Variants in RAP1GDS1 observed in about 807,000 individuals in gnomAD.
The protein encoded by RAP1GDS1 is RAP1, GTP-GDP dissociation stimulator 1.
RAP1GDS1 carries 35 observed loss-of-function variants against 71.1 expected under a neutral mutation model. The ratio of observed to expected loss-of-function variants is 0.49; its 90% confidence interval spans 0.38 to 0.65. The LOEUF is 0.65. Among genes scored for constraint, RAP1GDS1 ranks in the 30% least tolerant of loss-of-function variants. RAP1GDS1 has a pLI of 0.00. For synonymous variants in RAP1GDS1, 229 were observed against 243.1 expected (o/e 0.94, Z 0.54); for missense variants, 663 against 706.1 (o/e 0.94, Z 0.69).
chr4:98,345,548 T>C (rs1225951493), intron 3 of RAP1GDS1, among the ~76,000 whole-genome samples: 1 of 148,322 alleles, frequency 6.7e-6, no homozygotes, highest in Non-Finnish European at 1.5e-5. Flanking sequence ...AAGACTGATA[T>C]GAGGCAAAGG....
intron 7 of RAP1GDS1, chr4:98,409,700 T>C: frequency 2.3e-6 from 1 of 443,464 alleles, no homozygotes; most frequent in Non-Finnish European, 4.6e-6. Context: ...GAAGCGCACT[T>C]TGTGAGAACA....
chr4:98,381,543 T>C lies in RAP1GDS1; in HGVS notation c.508+2380T>C, dbSNP rs77911619. On this transcript the variant is annotated intron_variant, in intron 5 of 14. Transcript: ENST00000408927. The stretch of plus-strand genomic sequence containing the variant: ...CTTTACTGACTCAGATTGTTTGGTA[T>C]TGATCATGTGTACCTAGATAAGTCC... Among the ~76,000 whole-genome samples the C allele has an allele frequency of 5.7e-4, 86 of 151,772 alleles. 1 individual carries two copies. The East Asian group carries it at 0.014, about 25-fold the overall frequency.
intron 1 of RAP1GDS1, among the ~76,000 whole-genome samples, chr4:98,292,026 C>T (rs1454391309): frequency 6.6e-6 from 1 of 152,080 alleles, no homozygotes; most frequent in Non-Finnish European, 1.5e-5. Flanking sequence ...TTTTCTTCAT[C>T]TATTCAAACC....
chr4:98,325,732 T>G (rs1302485609), intron 2 of RAP1GDS1, among the ~76,000 whole-genome samples: 1 of 131,756 alleles, frequency 7.6e-6, no homozygotes, highest in Non-Finnish European at 1.5e-5. Flanking sequence ...TGAGATCACA[T>G]GGACACAGGA....
At chr4:98,352,631 A>T in intron 4 of RAP1GDS1, 30 bp downstream of exon 4, 1 of 1,607,162 alleles carries the variant, frequency 6.2e-7, no homozygotes, top group Admixed American at 1.7e-5. Flanking sequence ...TAATACACAT[A>T]CATTTTTAAG....
intron 2 of RAP1GDS1, among the ~76,000 whole-genome samples, chr4:98,297,568 G>T (rs1443584699): frequency 1.3e-5 from 2 of 152,062 alleles, no homozygotes; most frequent in Non-Finnish European, 1.5e-5. Context: ...TTACTATTGT[G>T]ATTGTTTTGG....
intron 3 of RAP1GDS1, among the ~76,000 whole-genome samples, chr4:98,345,795 A>G (rs1305703835): frequency 2.0e-5 from 3 of 152,200 alleles, no homozygotes; most frequent in Non-Finnish European, 4.4e-5. Flanking sequence ...TTTATGCACT[A>G]GTTTGTTTCT....
chr4:98,352,520 C>G lies in RAP1GDS1; in HGVS notation c.280C>G (p.Leu94Val). ...TGTGGATGCTGGATTGATTTCACCA[C>G]TGGTGCAGCTGCTAAATAGCAAAGA... is the stretch of plus-strand genomic sequence containing the variant. ...PCVDAGLISP[L>V]VQLLNSKDQE... The change falls in exon 4 of 15, where the codon CTG becomes GTG. Residue 94 changes from leucine to valine, a missense_variant. Transcript: ENST00000408927. 2 of 1,613,942 alleles carry G rather than the reference C, an allele frequency of 1.2e-6. No individual in the cohort carries two copies. The highest frequency in any genetic ancestry group is 1.7e-6 in the Non-Finnish European group (2 of 1,179,860).
chr4:98,313,409 G>A (rs1048982550), intron 2 of RAP1GDS1, among the ~76,000 whole-genome samples: 5 of 152,176 alleles, frequency 3.3e-5, no homozygotes, highest in African/African-American at 1.2e-4. Context: ...GGGCACTGTA[G>A]CCCAGCTAAT....
Position 98,418,758 on chromosome 4 carries a change from G to C in RAP1GDS1, c.1141G>C (p.Ala381Pro). 1 of 1,602,438 alleles carries C rather than the reference G, an allele frequency of 6.2e-7. No homozygotes were observed. Among genetic ancestry groups the C allele is most frequent in the Non-Finnish European group, 8.5e-7 (1 of 1,175,184 alleles). ...EDGNVTVQHA[A>P]LSALRNLAIP... Reference sequence around the variant, plus strand: ...TGGAAATGTAACAGTACAGCATGCAGCACTAAGTGCCCTCAGAAACCTGGC... The same window carrying C: ...TGGAAATGTAACAGTACAGCATGCACCACTAAGTGCCCTCAGAAACCTGGC... Residue 381 changes from alanine to proline, a missense_variant, in exon 10 of 15, where the codon GCA (alanine) becomes CCA (proline). Physicochemically the swap from Ala to Pro is conservative, Grantham distance 27. Transcript: ENST00000408927.
intron 1 of RAP1GDS1, among the ~76,000 whole-genome samples, chr4:98,274,886 G>T (rs1294250381): frequency 6.6e-6 from 1 of 152,108 alleles, no homozygotes; most frequent in Non-Finnish European, 1.5e-5. Flanking sequence ...TCACTGAAAG[G>T]TTAAACAAGT....
chr4:98,324,439 C>G (rs536613221), intron 2 of RAP1GDS1, among the ~76,000 whole-genome samples: 1 of 151,674 alleles, frequency 6.6e-6, no homozygotes, highest in South Asian at 2.1e-4. Context: ...TCATATGGAA[C>G]CAAGAAAGAG....
chr4:98,283,836 T>C (rs1359133195), intron 1 of RAP1GDS1, among the ~76,000 whole-genome samples: 1 of 135,682 alleles, frequency 7.4e-6, no homozygotes, highest in East Asian at 2.2e-4. Flanking sequence ...TTTTTTTTTT[T>C]GTTAGTCACT....
chr4:98,356,773 C>T (rs1738036817), intron 4 of RAP1GDS1, among the ~76,000 whole-genome samples: 1 of 151,818 alleles, frequency 6.6e-6, no homozygotes, highest in Non-Finnish European at 1.5e-5. Context: ...TTCTTCCTTG[C>T]TGATGAGTAA....
chr4:98,437,399 A>T (rs1207562041), intron 14 of RAP1GDS1, among the ~76,000 whole-genome samples: 1 of 152,214 alleles, frequency 6.6e-6, no homozygotes, highest in African/African-American at 2.4e-5. Flanking sequence ...AAATCTAGAC[A>T]ACATTCAGTA....
chr4:98,416,146 G>A (rs1056589473), intron 7 of RAP1GDS1, among the ~76,000 whole-genome samples: 30 of 152,048 alleles, frequency 2.0e-4, no homozygotes, highest in African/African-American at 6.8e-4. Context: ...TAATAGTGGA[G>A]TGATACTAGT....
chr4:98,403,066 C>T (rs1371252412), intron 6 of RAP1GDS1, among the ~76,000 whole-genome samples: 1 of 151,992 alleles, frequency 6.6e-6, no homozygotes, highest in East Asian at 1.9e-4. Flanking sequence ...TGTCTACCTC[C>T]TACATACACA....
chr4:98,400,932 TAAG>T lies in RAP1GDS1; in HGVS notation c.638-3544_638-3542del, dbSNP rs1434198770. On this transcript the variant is annotated intron_variant, in intron 6 of 14. Coordinates refer to ENST00000408927, the MANE Select transcript of RAP1GDS1 (RefSeq NM_001100427.2). Reference sequence around the variant, plus strand: ...CTATCAGTTAAGTGTGAGATTATAATAAGGATATTGTCACACATGAACATCTCA... The same window carrying T: ...CTATCAGTTAAGTGTGAGATTATAATGATATTGTCACACATGAACATCTCA... 2.6e-5 allele frequency among the ~76,000 whole-genome samples: 4 copies of T among 152,322 alleles called. No homozygotes were observed. The East Asian group carries it at 7.7e-4, about 29-fold the overall frequency.
intron 2 of RAP1GDS1, among the ~76,000 whole-genome samples, chr4:98,329,129 A>G (rs891205249): frequency 5.9e-5 from 9 of 152,362 alleles, no homozygotes; most frequent in Admixed American, 2.6e-4. Flanking sequence ...TAGAAAAACA[A>G]TAGATTTTTA....
Sources: gnomAD v4.1 joint callset for allele counts (sites outside exome capture counted in the v4.1 genomes callset) on GRCh38, gnomAD v4.1.1 for gene constraint, MANE v1.5 for transcripts, NCBI Gene and HGNC (gene_info 2026-07-23, HGNC 2026-07-21) for gene names.